The following PCNX2 variants were observed in gnomAD, a reference collection of about 807,000 sequenced individuals.
PCNX2 encodes the protein pecanex-like protein 2.
In PCNX2, 168 loss-of-function variants were observed where a neutral mutation model predicts 223.8. That is an observed-to-expected ratio of 0.75 (90% CI 0.66 to 0.85). The LOEUF (loss-of-function observed/expected upper bound fraction) is 0.85, where lower values mean the gene tolerates loss of function less well. PCNX2 is among the 40% of genes least tolerant of loss of function. PCNX2 has a pLI of 0.00. For synonymous variants in PCNX2, 1,006 were observed against 1,052.6 expected (o/e 0.96, Z 0.86); for missense variants, 2,507 against 2,675.5 (o/e 0.94, Z 1.39).
chr1:233,180,515 C>G (rs1393767997), intron 15 of PCNX2, among the ~76,000 whole-genome samples: 4 of 151,482 alleles, frequency 2.6e-5, no homozygotes, highest in African/African-American at 4.9e-5. Context: ...ACTTTTCTGT[C>G]AAGATTTTTT....
chr1:233,134,352 C>A (rs1459672663), intron 21 of PCNX2, among the ~76,000 whole-genome samples: 1 of 152,106 alleles, frequency 6.6e-6, no homozygotes, highest in Non-Finnish European at 1.5e-5. Context: ...ATTTCTCTCC[C>A]ATTAATTAAA....
chr1:233,309,032 G>C, the PCNX2 span, among the ~76,000 whole-genome samples: 80 of 152,116 alleles, frequency 5.3e-4, no homozygotes, highest in Middle Eastern at 6.8e-3. Context: ...AAAATTGAAA[G>C]TAATAAAAAG....
intron 18 of PCNX2, among the ~76,000 whole-genome samples, chr1:233,160,878 T>C (rs1678427475): frequency 6.6e-6 from 1 of 152,176 alleles, no homozygotes; most frequent in African/African-American, 2.4e-5. Context: ...CCTTTTCCCA[T>C]AGTCCTTTTG....
intron 12 of PCNX2, among the ~76,000 whole-genome samples, chr1:233,215,533 T>C (rs1682072034): frequency 6.6e-6 from 1 of 152,196 alleles, no homozygotes; most frequent in Admixed American, 6.5e-5. Flanking sequence ...GTAACAGACA[T>C]TACAAATCCA....
At chr1:233,141,537 G>A (rs1267290238) in intron 19 of PCNX2, among the ~76,000 whole-genome samples, 1 of 152,098 alleles carries the variant, frequency 6.6e-6, no homozygotes, top group East Asian at 1.9e-4. Context: ...ATGGTGGCAT[G>A]TGCCTGTAAT....
chr1:233,060,084 T>C (rs3806215), intron 23 of PCNX2, among the ~76,000 whole-genome samples: 56,018 of 152,160 alleles, frequency 0.37, 13,702 homozygotes, highest in African/African-American at 0.7. Flanking sequence ...GAAGAAATAC[T>C]GTGTTACATT....
At chr1:233,182,098 T>C (rs562661181) in intron 15 of PCNX2, among the ~76,000 whole-genome samples, 5 of 152,186 alleles carry the variant, frequency 3.3e-5, no homozygotes, top group African/African-American at 4.8e-5. Flanking sequence ...GCTAAGTTAC[T>C]AGACATCTCT....
intron 25 of PCNX2, chr1:233,033,229 A>G (rs147606166): frequency 1.0e-6 from 1 of 977,520 alleles, no homozygotes; most frequent in East Asian, 1.1e-4. Flanking sequence ...AAGCCCAGCC[A>G]GACTTATTTA....
chr1:233,014,652 T>TC lies in PCNX2; in HGVS notation c.4952+12dup, dbSNP rs1238346841. 3.1e-6 allele frequency: 5 copies of TC among 1,606,644 alleles called. No homozygotes were observed. Among genetic ancestry groups the TC allele is most frequent in the African/African-American group, 1.3e-5 (1 of 74,800 alleles). On this transcript the variant is annotated intron_variant, in intron 28 of 33. Coordinates refer to ENST00000258229, the MANE Select transcript of PCNX2 (RefSeq NM_014801.4). ...CCTGTACCTAAGAGATTCTAACTTC[T>TC]CCCCCCAGGTACCTGATGGCCATAT...
At chr1:233,326,049 A>G in the PCNX2 span, among the ~76,000 whole-genome samples, 1 of 152,240 alleles carries the variant, frequency 6.6e-6, no homozygotes, top group South Asian at 2.1e-4. Context: ...GACCTCTGCC[A>G]GCTAAAAGAT....
At position 233,087,146 on chromosome 1, in the gene PCNX2, T is replaced by C. The variant is rs372751907; in HGVS notation, c.4076+2915A>G. The C allele has an allele frequency of 5.1e-6, 5 of 985,246 alleles. No homozygotes were observed. The African/African-American group carries it at 8.7e-5, about 17-fold the overall frequency. 61.0% of individuals were successfully genotyped at this position (985,246 alleles called of 1,614,324 possible). ...ACTGGTGATTTATTTATCACTTCCT[T>C]GAAGTATTAAAATGGTTTTGTTACA... is the stretch of plus-strand genomic sequence containing the variant. On this transcript the variant is annotated intron_variant, in intron 23 of 33. Transcript: ENST00000258229.
intron 28 of PCNX2, among the ~76,000 whole-genome samples, chr1:233,003,320 C>A (rs1408939688): frequency 6.6e-6 from 1 of 152,110 alleles, no homozygotes; most frequent in African/African-American, 2.4e-5. Context: ...AAAAAAACAA[C>A]CCCATCAAAA....
At chr1:233,281,836 T>A (rs1661208007) in intron 1 of PCNX2, among the ~76,000 whole-genome samples, 1 of 152,176 alleles carries the variant, frequency 6.6e-6, no homozygotes, top group Non-Finnish European at 1.5e-5. Flanking sequence ...CTTATGGAGT[T>A]AGATTCCATT....
intron 28 of PCNX2, among the ~76,000 whole-genome samples, chr1:233,004,203 A>G (rs1670194895): frequency 2.6e-5 from 4 of 152,128 alleles, no homozygotes; most frequent in African/African-American, 7.2e-5. Context: ...TTATATAAAA[A>G]TTATAGTTCC....
At chr1:233,197,158 T>C (rs541389420) in intron 15 of PCNX2, among the ~76,000 whole-genome samples, 17 of 152,312 alleles carry the variant, frequency 1.1e-4, no homozygotes, top group African/African-American at 4.1e-4. Context: ...TTTTTTGAGT[T>C]GGTGAAAATG....
chr1:233,059,778 G>T (rs530140557), intron 23 of PCNX2, among the ~76,000 whole-genome samples: 1 of 152,314 alleles, frequency 6.6e-6, no homozygotes, highest in East Asian at 1.9e-4. Flanking sequence ...TGCTGCATAT[G>T]TGGCTTATGT....
At chr1:233,237,062 T>C (rs1029549646) in intron 8 of PCNX2, 82 bp from the exon 9 acceptor site, 22 of 1,552,364 alleles carry the variant, frequency 1.4e-5, no homozygotes, top group Middle Eastern at 1.7e-4. Context: ...ACAAGGACAA[T>C]AGGAATGCCC....
intron 1 of PCNX2, among the ~76,000 whole-genome samples, chr1:233,284,215 T>C (rs1232692604): frequency 1.3e-5 from 2 of 152,206 alleles, no homozygotes; most frequent in African/African-American, 2.4e-5. Flanking sequence ...TACCATCATA[T>C]GAATAACTTT....
In PCNX2 at chr1:233,265,730, C is replaced by T. The variant is rs1445431909; in HGVS notation, c.154-2567G>A. Among the ~76,000 whole-genome samples, 3 of 152,118 alleles carry T rather than the reference C, an allele frequency of 2.0e-5. No homozygotes were observed. The South Asian group carries it at 6.2e-4, about 32-fold the overall frequency. On this transcript the variant is annotated intron_variant, in intron 1 of 33. Coordinates refer to ENST00000258229, the MANE Select transcript of PCNX2 (RefSeq NM_014801.4). ...AATTAATAACAGGGGGGTCCATTTT[C>T]ATGAGGAATCTTCCATTCAAATTAG...
Sources: allele counts gnomAD v4.1 joint callset (sites outside exome capture counted in the v4.1 genomes callset), GRCh38; gene constraint gnomAD v4.1.1; transcripts MANE v1.5; gene names NCBI Gene and HGNC (gene_info 2026-07-23, HGNC 2026-07-21).